SLCO1B3: variants seen among roughly 807,000 people sequenced by gnomAD.
SLCO1B3 encodes liver-specific organic anion transporter 2.
In SLCO1B3, 72 loss-of-function variants were observed where a neutral mutation model predicts 71.8. That is an observed-to-expected ratio of 1.00 (90% CI 0.83 to 1.22). The LOEUF is 1.22. Among genes scored for constraint, SLCO1B3 ranks in the 50% most tolerant of loss-of-function variants. The pLI, the probability that SLCO1B3 is intolerant of heterozygous loss-of-function variation, is 0.00. For missense variants in SLCO1B3, 911 were observed against 819.7 expected, an observed-to-expected ratio of 1.11 and a Z score of -1.36; for synonymous variants, 298 against 278.4, an observed-to-expected ratio of 1.07 and a Z score of -0.70.
At position 20,861,153 on chromosome 12, in the gene SLCO1B3, T is replaced by G. The variant is rs370914536; in HGVS notation, c.481+15T>G. Reference sequence around the variant, plus strand: ...AGTAGAAAAAGGTAAGAATTAATAGTGACAGTAAAACAAATTCTAGATTGA... The same window carrying G: ...AGTAGAAAAAGGTAAGAATTAATAGGGACAGTAAAACAAATTCTAGATTGA... On this transcript the variant is annotated intron_variant, in intron 6 of 15. Coordinates refer to ENST00000381545, the MANE Select transcript of SLCO1B3 (RefSeq NM_019844.4). 3.2e-6 allele frequency: 5 copies of G among 1,555,358 alleles called. No homozygotes were observed. The African/African-American group carries it at 5.5e-5, about 17-fold the overall frequency.
intron 9 of SLCO1B3, among the ~76,000 whole-genome samples, chr12:20,876,943 G>A (rs1273602912): frequency 6.6e-6 from 1 of 151,968 alleles, no homozygotes; most frequent in Non-Finnish European, 1.5e-5. Flanking sequence ...CAATTCTCCT[G>A]CCTCAGCCTC....
chr12:20,855,246 A>C (rs1264264694), intron 4 of SLCO1B3, 77 bp downstream of exon 4: 3 of 1,260,760 alleles, frequency 2.4e-6, no homozygotes, highest in African/African-American at 1.5e-5. Flanking sequence ...GCTTTATATC[A>C]CTGGGTCTGG....
chr12:20,877,737 TA>T (rs1470649139), intron 9 of SLCO1B3, 34 bp from the exon 10 acceptor site: 1 of 936,576 alleles, frequency 1.1e-6, no homozygotes. Flanking sequence ...ATATATATTT[TA>T]TTATTGAAAT....
In SLCO1B3 at chr12:20,861,070, G is replaced by A. The variant is rs369529563; in HGVS notation, c.413G>A (p.Ser138Asn). 6.2e-7 allele frequency: 1 copy of A among 1,602,868 alleles called. No individual in the cohort carries two copies. Among genetic ancestry groups the A allele is most frequent in the Non-Finnish European group, 8.5e-7 (1 of 1,173,010 alleles). ...AATCCATCAGAAAATTCAACATCAAGTTTATCAACCTGTTTAATTAATCAA... is the reference window on the plus strand; with the variant it reads ...AATCCATCAGAAAATTCAACATCAAATTTATCAACCTGTTTAATTAATCAA... ...HINPSENSTS[S>N]LSTCLINQTL... The change falls in exon 6 of 16, where the codon AGT becomes AAT. Residue 138 changes from serine to asparagine, a missense_variant. By Grantham distance (46) the Ser-to-Asn change is conservative (BLOSUM62 1). Coordinates refer to ENST00000381545, the MANE Select transcript of SLCO1B3 (RefSeq NM_019844.4).
chr12:20,824,563 C>T (rs183662919), intron 3 of SLCO1B3, among the ~76,000 whole-genome samples: 41 of 152,272 alleles, frequency 2.7e-4, no homozygotes, highest in African/African-American at 8.9e-4. Context: ...TTGGTTTCTT[C>T]TGTGGCATAC....
chr12:20,832,069 G>T (rs1213797148), intron 3 of SLCO1B3, among the ~76,000 whole-genome samples: 1 of 152,158 alleles, frequency 6.6e-6, no homozygotes, highest in South Asian at 2.1e-4. Flanking sequence ...CAAATTCCAT[G>T]CTCTCAACTC....
chr12:20,862,257 T>G (rs1353810202), intron 6 of SLCO1B3, among the ~76,000 whole-genome samples, 155 bp from the exon 7 acceptor site: 1 of 152,170 alleles, frequency 6.6e-6, no homozygotes, highest in African/African-American at 2.4e-5. Context: ...TTTGTGCCCT[T>G]CCTTATTTTC....
At chr12:20,910,607 T>C (rs1054561916) in intron 15 of SLCO1B3, among the ~76,000 whole-genome samples, 3 of 152,182 alleles carry the variant, frequency 2.0e-5, no homozygotes, top group Non-Finnish European at 2.9e-5. Flanking sequence ...TATCACTTCA[T>C]ATTTTAGTGC....
At chr12:20,849,556 A>G (rs1864981005) in intron 3 of SLCO1B3, among the ~76,000 whole-genome samples, 1 of 152,226 alleles carries the variant, frequency 6.6e-6, no homozygotes, top group East Asian at 1.9e-4. Flanking sequence ...AGCCAGATCC[A>G]TTAGACAAGA....
chr12:20,831,323 C>T (rs1353407918), intron 3 of SLCO1B3, among the ~76,000 whole-genome samples: 1 of 138,430 alleles, frequency 7.2e-6, no homozygotes, highest in African/African-American at 2.7e-5. Context: ...CACCACTCCA[C>T]TCCAGGCTGG....
chr12:20,857,707 AT>A (rs1865169492), intron 4 of SLCO1B3, among the ~76,000 whole-genome samples: 1 of 151,934 alleles, frequency 6.6e-6, no homozygotes, highest in Non-Finnish European at 1.5e-5. Context: ...GTGTTGCTTT[AT>A]CTGCTGGTCC....
chr12:20,906,114 C>G (rs1198162305), intron 15 of SLCO1B3, among the ~76,000 whole-genome samples: 1 of 152,122 alleles, frequency 6.6e-6, no homozygotes, highest in Non-Finnish European at 1.5e-5. Context: ...GGCCCCTTCT[C>G]CAATATAACA....
intron 15 of SLCO1B3, among the ~76,000 whole-genome samples, chr12:20,907,321 C>CA (rs997926611): frequency 6.6e-6 from 1 of 152,058 alleles, no homozygotes; most frequent in African/African-American, 2.4e-5. Context: ...TTCAGCAGCC[C>CA]ACAGACATTC....
chr12:20,878,853 A>T (rs1453410128), intron 10 of SLCO1B3, among the ~76,000 whole-genome samples: 1 of 152,178 alleles, frequency 6.6e-6, no homozygotes, highest in Admixed American at 6.6e-5. Flanking sequence ...ATCATGGTAG[A>T]TATGTCTTTT....
intron 3 of SLCO1B3, among the ~76,000 whole-genome samples, chr12:20,843,153 T>TACTCTCTG (rs1864838224): frequency 6.6e-6 from 1 of 152,232 alleles, no homozygotes; most frequent in Admixed American, 6.5e-5. Context: ...CTTTAACCTT[T>TACTCTCTG]ATACTCTCTG....
At chr12:20,891,267 T>C (rs1865897664) in intron 13 of SLCO1B3, among the ~76,000 whole-genome samples, 2 of 152,066 alleles carry the variant, frequency 1.3e-5, no homozygotes. Flanking sequence ...CTTTTCTTCT[T>C]GAATTATAAG....
intron 13 of SLCO1B3, among the ~76,000 whole-genome samples, chr12:20,897,012 A>G (rs956514538): frequency 7.9e-5 from 12 of 152,110 alleles, no homozygotes; most frequent in Non-Finnish European, 1.3e-4. Context: ...CAGCACAGAA[A>G]AGACCTGCCC....
intron 2 of SLCO1B3, among the ~76,000 whole-genome samples, chr12:20,814,710 G>A (rs1046150705): frequency 2.0e-4 from 30 of 152,044 alleles, no homozygotes; most frequent in Non-Finnish European, 3.7e-4. Context: ...CTAACACGGT[G>A]AAACCCTGTC....
At chr12:20,879,897 A>G (rs894346302) in intron 11 of SLCO1B3, among the ~76,000 whole-genome samples, 1 of 152,110 alleles carries the variant, frequency 6.6e-6, no homozygotes, top group East Asian at 1.9e-4. Context: ...TTTTACCCCA[A>G]TTTTATAGAT....
Sources: gnomAD v4.1 joint callset for allele counts (sites outside exome capture counted in the v4.1 genomes callset) on GRCh38, gnomAD v4.1.1 for gene constraint, MANE v1.5 for transcripts, NCBI Gene and HGNC (gene_info 2026-07-23, HGNC 2026-07-21) for gene names.